The following NCOR2 variants were observed in gnomAD, a reference collection of about 807,000 sequenced individuals.
NCOR2 encodes the protein nuclear receptor corepressor 2.
In NCOR2, 81 loss-of-function variants were observed where a neutral mutation model predicts 262.9. That is an observed-to-expected ratio of 0.31 (90% confidence interval 0.26 to 0.37). The LOEUF (loss-of-function observed/expected upper bound fraction) is 0.37. Ranked by LOEUF, NCOR2 falls within the 10% of genes least tolerant of loss-of-function variation. NCOR2 has a pLI of 1.00. For missense variants in NCOR2, 3,385 were observed against 3,621.4 expected (o/e 0.93, Z 1.68); for synonymous variants, 1,659 against 1,559.3 (o/e 1.06, Z -1.51).
chr12:124,452,897 G>A (rs2045633013), intron 6 of NCOR2, among the ~76,000 whole-genome samples: 1 of 152,166 alleles, frequency 6.6e-6, no homozygotes, highest in Admixed American at 6.5e-5. Flanking sequence ...ATACTGTGGG[G>A]TGCTGCGGCC....
intron 6 of NCOR2, 46 bp from the exon 9 acceptor site, chr12:124,449,913 C>G (rs1147284): frequency 0.99 from 1,583,105 of 1,605,674 alleles, 780,746 homozygotes; most frequent in East Asian, 1. Context: ...GCTGGCCACT[C>G]GCCACTACAG....
rs750708611 is a variant in NCOR2 at position 124,346,589 on chromosome 12, G to A, written c.4334C>T (p.Pro1445Leu). Residue 1445 changes from proline (P) to leucine (L), a missense_variant, in exon 31 of 47, where the codon CCG becomes CTG. Pro to Leu is a moderately conservative substitution (Grantham distance 98). Around this residue, in one of 5 missense-constraint regions of NCOR2, gnomAD observed 1,615 missense variants for 1,626.9 expected, o/e 0.99. Coordinates refer to ENST00000405201, the Ensembl canonical transcript of NCOR2. Reference sequence around the variant, plus strand: ...CTGCGTGATGGAGCCCTCCTTGAGCGGCCGCGGGGCCAGGGGCAGCTCGGG... The same window carrying A: ...CTGCGTGATGGAGCCCTCCTTGAGCAGCCGCGGGGCCAGGGGCAGCTCGGG... 43 of 1,573,084 alleles carry A rather than the reference G, an allele frequency of 2.7e-5. 1 individual carries two copies. Among genetic ancestry groups the A allele is most frequent in the Admixed American group, 8.7e-5 (5 of 57,310 alleles).
chr12:124,450,640 T>C (rs1329847486), intron 6 of NCOR2, among the ~76,000 whole-genome samples: 3 of 152,280 alleles, frequency 2.0e-5, no homozygotes, highest in South Asian at 2.1e-4. Context: ...AGGGCCCACA[T>C]GTAGCAAGCA....
rs888041970 is a variant in NCOR2, at chr12:124,344,798, C to T, written c.4513G>A (p.Glu1505Lys). 32 of 1,552,832 alleles carry T rather than the reference C, an allele frequency of 2.1e-5. No homozygotes were observed. Among genetic ancestry groups the T allele is most frequent in the Middle Eastern group, 1.7e-4 (1 of 6,010 alleles). ...CCTGGCCGGCTCTTCAGGCTCTCCT[C>T]GTAGCAGGCACGTTCCAGTGCCCGG... is the stretch of plus-strand genomic sequence containing the variant. Residue 1505 changes from glutamate (E) to lysine (K), a missense_variant, in exon 32 of 47, where the codon GAG becomes AAG. Coordinates refer to ENST00000405201, the Ensembl canonical transcript of NCOR2.
chr12:124,348,231 T>A, exon 29 of NCOR2: 2 of 1,612,960 alleles, frequency 1.2e-6, no homozygotes, highest in Non-Finnish European at 1.7e-6. Context: ...ATGTCATAGG[T>A]GCGCTTGGGG....
rs909286787 is a variant in NCOR2 at position 124,503,492 on chromosome 12, T to TGATG, written c.-117-8128_-117-8125dup. Among the ~76,000 whole-genome samples, 34 of 147,708 alleles carry TGATG rather than the reference T, an allele frequency of 2.3e-4. No homozygotes were observed. In the East Asian group the frequency reaches 3.3e-3, roughly 14 times the overall value. On this transcript the variant is annotated intron_variant, in intron 1 of 46. Transcript: ENST00000404621. This position sits in a 1 kb window ranked among gnomAD's most constrained non-coding sequence, Gnocchi z 4.3. Reference sequence around the variant, plus strand: ...ATGGATGGATGGATGGATGATGGATTGATGGATGGATGGATGGATGGACAG... The same window carrying TGATG: ...ATGGATGGATGGATGGATGATGGATTGATGGATGGATGGATGGATGGATGGACAG...
intron 3 of NCOR2, among the ~76,000 whole-genome samples, chr12:124,475,177 A>C (rs2047039913): frequency 6.6e-6 from 1 of 152,090 alleles, no homozygotes; most frequent in African/African-American, 2.4e-5. Flanking sequence ...TGCTCCCTCC[A>C]CACACACGGA....
chr12:124,506,004 G>A (rs1399469975), intron 1 of NCOR2, among the ~76,000 whole-genome samples: 3 of 151,196 alleles, frequency 2.0e-5, no homozygotes, highest in African/African-American at 7.3e-5. Flanking sequence ...CCCTCCTCTA[G>A]AGAGGCTCCT....
chr12:124,525,504 G>A (rs748887077), intron 1 of NCOR2, among the ~76,000 whole-genome samples: 18 of 152,228 alleles, frequency 1.2e-4, no homozygotes, highest in Non-Finnish European at 2.1e-4. Flanking sequence ...TTTGCTGTTT[G>A]CCATCCCCTC....
intron 13 of NCOR2, among the ~76,000 whole-genome samples, chr12:124,417,258 G>A (rs1487011532): frequency 6.6e-6 from 1 of 151,722 alleles, no homozygotes; most frequent in Admixed American, 6.5e-5. Flanking sequence ...CTCACTCCAC[G>A]GAGAGCAGGC....
intron 1 of NCOR2, among the ~76,000 whole-genome samples, chr12:124,520,331 T>C (rs1593954045): frequency 6.6e-6 from 1 of 152,324 alleles, no homozygotes; most frequent in African/African-American, 2.4e-5. Context: ...GGCGGGACCA[T>C]GACACCCAGG....
chr12:124,431,361 ACAGT>A (rs1227797497), intron 8 of NCOR2, among the ~76,000 whole-genome samples: 1 of 151,862 alleles, frequency 6.6e-6, no homozygotes, highest in Non-Finnish European at 1.5e-5. Context: ...CAGTAGACAC[ACAGT>A]CACACAGACA....
chr12:124,421,036 T>A lies in NCOR2; in HGVS notation c.1384-981A>T, dbSNP rs576196933. On this transcript the variant is annotated intron_variant, in intron 12 of 46. Transcript: ENST00000405201. ...ATATTTGCAATTCAGGGGATGTGGG[T>A]GCCCGACTTCTCCTTTAACAATTCA... 7.9e-5 allele frequency among the ~76,000 whole-genome samples: 12 copies of A among 152,352 alleles called. No homozygotes were observed. The South Asian group carries it at 1.9e-3, about 24-fold the overall frequency.
intron 14 of NCOR2, among the ~76,000 whole-genome samples, 162 bp downstream of exon 16, chr12:124,402,242 C>G (rs1276189382): frequency 6.6e-6 from 1 of 151,988 alleles, no homozygotes; most frequent in Non-Finnish European, 1.5e-5. Context: ...GGTGGGCTTC[C>G]GGAAGGGGGG....
At chr12:124,392,456 GGCACCGC>G (rs2041373922) in intron 16 of NCOR2, among the ~76,000 whole-genome samples, 1 of 152,126 alleles carries the variant, frequency 6.6e-6, no homozygotes, top group Non-Finnish European at 1.5e-5. Context: ...CGAGCCCCGA[GGCACCGC>G]ACCGTCCCTG....
chr12:124,561,840 A>T (rs947891996), intron 1 of NCOR2: 9 of 151,822 alleles, frequency 5.9e-5, no homozygotes, highest in African/African-American at 2.2e-4. Context: ...ACATAGAGAG[A>T]CTCCATCTCT....
chr12:124,418,489 TG>T (rs1419585337), intron 13 of NCOR2, among the ~76,000 whole-genome samples: 1 of 152,084 alleles, frequency 6.6e-6, no homozygotes, highest in East Asian at 1.9e-4. Flanking sequence ...GGGGCAGCTC[TG>T]GGGAGGGGCT....
At chr12:124,501,020 C>A (rs1220556966) in intron 1 of NCOR2, among the ~76,000 whole-genome samples, 3 of 151,696 alleles carry the variant, frequency 2.0e-5, no homozygotes, top group African/African-American at 7.3e-5. Context: ...AACCAACCTG[C>A]CAGGCAGAGA....
At chr12:124,433,164 C>G (rs900128823) in intron 8 of NCOR2, among the ~76,000 whole-genome samples, 15 of 152,194 alleles carry the variant, frequency 9.9e-5, no homozygotes, top group Non-Finnish European at 2.1e-4. Context: ...TGGCCCAGAA[C>G]CTAACCCCAT....
Sources: allele counts gnomAD v4.1 joint callset (sites outside exome capture counted in the v4.1 genomes callset), GRCh38; gene constraint gnomAD v4.1.1; regional missense constraint gnomAD v4.1.1; non-coding constraint Gnocchi (gnomAD v3.1); transcripts MANE v1.5; gene names NCBI Gene and HGNC (gene_info 2026-07-23, HGNC 2026-07-21).